The following CD8B variants were observed in gnomAD, a reference collection of about 807,000 sequenced individuals.
The protein encoded by CD8B is T-cell surface glycoprotein CD8 beta chain.
In CD8B, 6 loss-of-function variants were observed where a neutral mutation model predicts 24.2. The observed-to-expected ratio is 0.25, with a 90% CI of 0.14 to 0.49. The LOEUF (loss-of-function observed/expected upper bound fraction) is 0.49, where lower values mean the gene tolerates loss of function less well. CD8B is among the 20% of genes least tolerant of loss of function. The probability of loss-of-function intolerance (pLI) is 0.98; values close to 1 mark genes in which losing one functional copy is unlikely to be tolerated. For missense variants in CD8B, 196 were observed against 271.3 expected (o/e 0.72, Z 1.95); for synonymous variants, 84 against 108.3 (o/e 0.78, Z 1.39).
chr2:86,855,093 C>T (rs1676167498), intron 2 of CD8B, among the ~76,000 whole-genome samples: 1 of 151,692 alleles, frequency 6.6e-6, no homozygotes. Context: ...TAAACTCCAG[C>T]CTGGGTGACA....
chr2:86,815,391 T>C (rs1366149619), downstream of CD8B: 8 of 513,870 alleles, frequency 1.6e-5, no homozygotes, highest in African/African-American at 1.3e-4. Context: ...GGCAAATTTA[T>C]TCAAGATGGA....
At chr2:86,844,761 G>A (rs1675591983) in intron 5 of CD8B, 161 bp downstream of exon 5, 1 of 1,536,260 alleles carries the variant, frequency 6.5e-7, no homozygotes, top group Non-Finnish European at 8.8e-7. Context: ...TCCTGCTTCA[G>A]CCTCCCGAGT....
In CD8B at chr2:86,840,049, G is replaced by T; in HGVS notation, c.*2258C>A. Among the ~76,000 whole-genome samples the T allele has an allele frequency of 6.6e-6, 1 of 152,220 alleles. No individual in the cohort carries two copies. Among genetic ancestry groups the T allele is most frequent in the Non-Finnish European group, 1.5e-5 (1 of 68,044 alleles). The stretch of plus-strand genomic sequence containing the variant: ...CCTCTTGCTGAGGCAGGAGTCTAGG[G>T]TCTGGGGGCAGGGAATCTAAGGCCA... On this transcript the variant is annotated 3_prime_UTR_variant, in exon 6 of 6. Transcript: ENST00000390655.
intron 5 of CD8B, chr2:86,821,627 G>T: frequency 3.4e-6 from 1 of 298,192 alleles, no homozygotes; most frequent in Non-Finnish European, 7.4e-6. Context: ...AGACACTCGG[G>T]GGCCTCCATA....
intron 3 of CD8B, among the ~76,000 whole-genome samples, chr2:86,850,897 C>G (rs1675941462): frequency 6.6e-6 from 1 of 152,002 alleles, no homozygotes; most frequent in South Asian, 2.1e-4. Context: ...TCAAGACCAG[C>G]TTGGCCAACA....
intron 5 of CD8B, among the ~76,000 whole-genome samples, chr2:86,822,881 G>A (rs1182561672): frequency 4.6e-5 from 7 of 152,132 alleles, no homozygotes; most frequent in African/African-American, 1.4e-4. Context: ...TTACTCATAT[G>A]TTGTCTCATC....
At position 86,853,004 on chromosome 2, in the gene CD8B, G is replaced by A; in HGVS notation, c.486C>T (p.Thr162=). 1.3e-6 allele frequency: 2 copies of A among 1,534,458 alleles called. No individual in the cohort carries two copies. The highest frequency in any genetic ancestry group is 1.8e-6 in the Non-Finnish European group (2 of 1,138,548). The change falls in exon 3 of 6, where the codon ACC becomes ACT. Residue 162 remains threonine, a synonymous_variant. Coordinates refer to ENST00000390655, the MANE Select transcript of CD8B (RefSeq NM_004931.5). ...GAGGGATAGGGAACTCACCCTTCTGGGTCTCTGGCCTGGGTAACCGGCACA... is the reference window on the plus strand; with the variant it reads ...GAGGGATAGGGAACTCACCCTTCTGAGTCTCTGGCCTGGGTAACCGGCACA... ...KRVCRLPRPE[T]QKGPLCSPIT... is the part of the protein sequence containing the mutation.
chr2:86,816,781 A>G (rs1330659530), intron 5 of CD8B, among the ~76,000 whole-genome samples: 2 of 152,258 alleles, frequency 1.3e-5, no homozygotes, highest in African/African-American at 4.8e-5. Flanking sequence ...TGTTTTTAAG[A>G]CAGAGACATG....
In CD8B at chr2:86,840,604, C is replaced by A. The variant is rs1446020890; in HGVS notation, c.*1703G>T. ...GGTACTTAAAACCCAGAAAACTTTG[C>A]AATTGGGCCCATGGGCTATCTGCTT... On this transcript the variant is annotated 3_prime_UTR_variant, in exon 6 of 6. Transcript: ENST00000390655. Among the ~76,000 whole-genome samples, 1 of 152,206 alleles carries A rather than the reference C, an allele frequency of 6.6e-6. No homozygotes were observed. The highest frequency in any genetic ancestry group is 2.4e-5 in the African/African-American group (1 of 41,454).
chr2:86,845,068 C>G (rs1020048680), intron 4 of CD8B, 110 bp from the exon 5 acceptor site: 2 of 1,458,518 alleles, frequency 1.4e-6, no homozygotes, highest in Non-Finnish European at 1.8e-6. Flanking sequence ...CAGCCCACCT[C>G]CCTGGTCCCA....
rs528042421 is a variant in CD8B, at chr2:86,860,487, G to A, written c.43+1336C>T. 3.9e-5 allele frequency among the ~76,000 whole-genome samples: 6 copies of A among 152,220 alleles called. No homozygotes were observed. The East Asian group carries it at 5.8e-4, about 15-fold the overall frequency. ...TTTATTGAGCTGTGCCTGGCATGGCGCATACATTATCTCATTTGATCCTCA... is the reference window on the plus strand; with the variant it reads ...TTTATTGAGCTGTGCCTGGCATGGCACATACATTATCTCATTTGATCCTCA... On this transcript the variant is annotated intron_variant, in intron 1 of 5. Coordinates refer to ENST00000390655, the MANE Select transcript of CD8B (RefSeq NM_004931.5).
rs1675607126 is a variant in CD8B, at chr2:86,844,971, AGCAAGG to A, written c.584-19_584-14del. On this transcript the variant is annotated splice_polypyrimidine_tract_variant and intron_variant, in intron 4 of 5. Transcript: ENST00000390655. ...CTCCTCCGCCGGCCTGGAAGAGGAAAGCAAGGGCGCCAGTCAGTGTGGGCTGTGGGT... is the reference window on the plus strand; with the variant it reads ...CTCCTCCGCCGGCCTGGAAGAGGAAAGCGCCAGTCAGTGTGGGCTGTGGGT... The A allele has an allele frequency of 6.4e-7, 1 of 1,557,272 alleles. No individual in the cohort carries two copies. The highest frequency in any genetic ancestry group is 1.4e-5 in the African/African-American group (1 of 73,374).
chr2:86,857,408 G>A (rs1028528808), intron 2 of CD8B, among the ~76,000 whole-genome samples: 1 of 152,172 alleles, frequency 6.6e-6, no homozygotes, highest in Non-Finnish European at 1.5e-5. Flanking sequence ...GGACAGCACT[G>A]CCCTGTCCCC....
At chr2:86,821,232 C>A (rs1311288114) in intron 5 of CD8B, among the ~76,000 whole-genome samples, 1 of 151,728 alleles carries the variant, frequency 6.6e-6, no homozygotes, top group Non-Finnish European at 1.5e-5. Flanking sequence ...ACTCATGAAG[C>A]CTGCTGCTCC....
chr2:86,852,235 G>A (rs1327635011), intron 3 of CD8B, among the ~76,000 whole-genome samples: 1 of 152,192 alleles, frequency 6.6e-6, no homozygotes, highest in Non-Finnish European at 1.5e-5. Flanking sequence ...CCAAAGTGCT[G>A]GGATTACAGG....
chr2:86,818,225 T>A (rs77040288), intron 5 of CD8B, among the ~76,000 whole-genome samples: 13,689 of 151,658 alleles, frequency 0.09, 1,924 homozygotes, highest in African/African-American at 0.3. Context: ...AATAAATAAA[T>A]AAAAATAAAT....
chr2:86,858,741 AAT>A (rs1676418586), intron 1 of CD8B, among the ~76,000 whole-genome samples: 1 of 147,918 alleles, frequency 6.8e-6, no homozygotes, highest in South Asian at 2.2e-4. Context: ...CTGGCTTTGG[AAT>A]TTTTTAAAAG....
intron 5 of CD8B, among the ~76,000 whole-genome samples, chr2:86,828,248 C>T (rs1262566943): frequency 3.3e-5 from 5 of 151,780 alleles, no homozygotes; most frequent in African/African-American, 1.2e-4. Flanking sequence ...ATCATCTGGT[C>T]ACTTTAAACT....
rs1273429804 is a variant in CD8B, at chr2:86,844,724, C to T, written c.620+198G>A. 2.0e-6 allele frequency: 3 copies of T among 1,514,450 alleles called. No individual in the cohort carries two copies. The East Asian group carries it at 7.5e-5, about 38-fold the overall frequency. 93.8% of individuals were successfully genotyped at this position (1,514,450 alleles called of 1,614,324 possible). On this transcript the variant is annotated intron_variant, in intron 5 of 5. Transcript: ENST00000390655. ...GTGGTACCATCATAGCTCACTGCAG[C>T]CTTGAACTCCTGGGCTCAAGTGATC... is the stretch of plus-strand genomic sequence containing the variant.
Sources: gnomAD v4.1 joint callset for allele counts (sites outside exome capture counted in the v4.1 genomes callset) on GRCh38, gnomAD v4.1.1 for gene constraint, MANE v1.5 for transcripts, NCBI Gene and HGNC (gene_info 2026-07-23, HGNC 2026-07-21) for gene names.